LUC7L: variants seen among roughly 807,000 people sequenced by gnomAD.
LUC7L encodes LUC7 like.
LUC7L carries 29 observed loss-of-function variants against 51.1 expected under a neutral mutation model. The observed-to-expected ratio is 0.57, with a 90% CI of 0.42 to 0.77. LUC7L has a LOEUF of 0.77. Among genes scored for constraint, LUC7L ranks in the 30% least tolerant of loss-of-function variants. The pLI, the probability that LUC7L is intolerant of heterozygous loss-of-function variation, is 0.00. For missense variants in LUC7L, 403 were observed against 511.9 expected (o/e 0.79, Z 2.05); for synonymous variants, 181 against 180.7 (o/e 1.00, Z -0.01).
chr16:189,109 A>G lies in LUC7L; in HGVS notation c.*89T>C. The G allele has an allele frequency of 7.2e-7, 1 of 1,381,902 alleles. No homozygotes were observed. 85.6% of individuals were successfully genotyped at this position (1,381,902 alleles called of 1,614,324 possible). On this transcript the variant is annotated 3_prime_UTR_variant, in exon 10 of 10. Coordinates refer to ENST00000293872, the MANE Select transcript of LUC7L (RefSeq NM_201412.3). ...CAAAACAATAGAAATTTTAAACTAC[A>G]AAAGATGAGTTGTATTCAGCAAATA...
At chr16:228,287 C>T in intron 1 of LUC7L, 2 of 1,301,254 alleles carry the variant, frequency 1.5e-6, no homozygotes, top group South Asian at 2.5e-5. Flanking sequence ...TGAAAAAAAG[C>T]AAACACTTTT....
At chr16:203,701 G>A (rs1332198610) in intron 5 of LUC7L, among the ~76,000 whole-genome samples, 4 of 100,516 alleles carry the variant, frequency 4.0e-5, no homozygotes, top group South Asian at 4.1e-4. Context: ...AAGTGAGACC[G>A]TCTCAGGGCG....
intron 1 of LUC7L, chr16:228,757 G>A: frequency 7.9e-7 from 1 of 1,271,268 alleles, no homozygotes; most frequent in Non-Finnish European, 1.0e-6. Flanking sequence ...GGGGGGAAGG[G>A]GGCAGCTGGA....
At chr16:209,837 TA>T (rs936570347) in intron 3 of LUC7L, 1 of 152,130 alleles carries the variant, frequency 6.6e-6, no homozygotes, top group African/African-American at 2.4e-5. Flanking sequence ...AAATCTTAAA[TA>T]TTTTTTTCAA....
At chr16:205,858 G>C in intron 5 of LUC7L, 146 bp downstream of exon 5, 2 of 894,320 alleles carry the variant, frequency 2.2e-6, no homozygotes, top group Non-Finnish European at 3.4e-6. Flanking sequence ...CAAAGTGCTG[G>C]GATGACAGGC....
At chr16:198,792 T>C (rs2049235871) in intron 6 of LUC7L, among the ~76,000 whole-genome samples, 1 of 151,810 alleles carries the variant, frequency 6.6e-6, no homozygotes, top group Non-Finnish European at 1.5e-5. Context: ...GTTTAAGCAA[T>C]TCTTCTGCCC....
At chr16:228,104 AAGT>A in intron 1 of LUC7L, 1 of 1,148,692 alleles carries the variant, frequency 8.7e-7, no homozygotes, top group East Asian at 6.4e-5. Flanking sequence ...TGATACATAA[AAGT>A]AAAGGTAAAG....
intron 2 of LUC7L, among the ~76,000 whole-genome samples, chr16:221,011 C>T (rs893722431): frequency 6.6e-6 from 1 of 152,084 alleles, no homozygotes; most frequent in Non-Finnish European, 1.5e-5. Context: ...GTAATCATCA[C>T]AACTACATTA....
At chr16:198,872 G>A (rs1404664263) in intron 6 of LUC7L, among the ~76,000 whole-genome samples, 190 bp downstream of exon 6, 1 of 152,008 alleles carries the variant, frequency 6.6e-6, no homozygotes, top group African/African-American at 2.4e-5. Flanking sequence ...TAGAGACGGG[G>A]TTTCACCATG....
At position 229,289 on chromosome 16, in the gene LUC7L, C is replaced by T. The variant is rs2050214037; in HGVS notation, c.51G>A (p.Thr17=). ...GCCGCTCTGACTCACCGTCCCGAGC[C>T]GTGCCCATGAGCTGGTCCAGCAGGG... ...MRALLDQLMG[T]ARDGDETRQR... The change falls in exon 1 of 10, where the codon ACG becomes ACA. Residue 17 remains threonine (T), a synonymous_variant. Transcript: ENST00000293872. The T allele has an allele frequency of 1.9e-6, 3 of 1,540,908 alleles. No individual in the cohort carries two copies. The highest frequency in any genetic ancestry group is 2.5e-5 in the East Asian group (1 of 40,630).
At chr16:224,149 G>A (rs2050056742) in intron 2 of LUC7L, among the ~76,000 whole-genome samples, 1 of 152,152 alleles carries the variant, frequency 6.6e-6, no homozygotes, top group African/African-American at 2.4e-5. Flanking sequence ...CCTAAAACCT[G>A]AAGTACAACA....
intron 8 of LUC7L, 52 bp from the exon 9 acceptor site, chr16:190,187 G>A (rs1181717970): frequency 1.3e-6 from 2 of 1,501,000 alleles, no homozygotes; most frequent in Non-Finnish European, 1.8e-6. Context: ...CCAACACTAT[G>A]AGGGCCCCAC....
intron 2 of LUC7L, among the ~76,000 whole-genome samples, chr16:226,513 C>G (rs2050136837): frequency 6.6e-6 from 1 of 152,134 alleles, no homozygotes; most frequent in South Asian, 2.1e-4. Context: ...TTGTAGGGTT[C>G]TATATTCATT....
At chr16:190,685 G>C (rs753818333) in intron 7 of LUC7L, 115 bp from the exon 8 acceptor site, 2 of 906,572 alleles carry the variant, frequency 2.2e-6, no homozygotes, top group Non-Finnish European at 3.6e-6. Flanking sequence ...CTGGAGACCA[G>C]CCTGGACAAC....
At chr16:203,487 G>A (rs1354106157) in intron 5 of LUC7L, among the ~76,000 whole-genome samples, 2 of 151,752 alleles carry the variant, frequency 1.3e-5, no homozygotes, top group African/African-American at 2.4e-5. Flanking sequence ...TAGGCAGATC[G>A]CTTGAGCCAA....
intron 3 of LUC7L, 80 bp from the exon 4 acceptor site, chr16:208,268 T>C: frequency 9.7e-7 from 1 of 1,026,234 alleles, no homozygotes; most frequent in Non-Finnish European, 1.5e-6. Context: ...TGATAGGAAA[T>C]ACACTCCTAG....
At chr16:189,387 T>G in intron 9 of LUC7L, 48 bp from the exon 10 acceptor site, 1 of 1,568,032 alleles carries the variant, frequency 6.4e-7, no homozygotes, top group Non-Finnish European at 8.6e-7. Flanking sequence ...GCCCCCCTTC[T>G]GCTGGCCGCT....
At chr16:227,572 C>G in intron 1 of LUC7L, 1 of 1,335,406 alleles carries the variant, frequency 7.5e-7, no homozygotes, top group East Asian at 3.1e-5. Context: ...ATCACTGTAC[C>G]AAAGAAGTCA....
intron 2 of LUC7L, among the ~76,000 whole-genome samples, chr16:221,186 A>ATTTTTTTT (rs372906826): frequency 3.5e-4 from 35 of 101,250 alleles, no homozygotes; most frequent in Admixed American, 4.8e-4. Flanking sequence ...CACCCAGCTA[A>ATTTTTTTT]TTTTTTTTTT....
Sources: gnomAD v4.1 joint callset for allele counts (sites outside exome capture counted in the v4.1 genomes callset) on GRCh38, gnomAD v4.1.1 for gene constraint, MANE v1.5 for transcripts, NCBI Gene and HGNC (gene_info 2026-07-23, HGNC 2026-07-21) for gene names.